Variants in DLGAP1 observed in about 807,000 individuals in gnomAD.
The protein encoded by DLGAP1 is disks large-associated protein 1.
In DLGAP1, 11 loss-of-function variants were observed where a neutral mutation model predicts 90.8. The ratio of observed to expected loss-of-function variants is 0.12; its 90% CI spans 0.08 to 0.20. DLGAP1 has a LOEUF of 0.20. Ranked by LOEUF, DLGAP1 falls within the 10% of genes least tolerant of loss-of-function variation. DLGAP1 has a pLI of 1.00. For missense variants in DLGAP1, 1,050 were observed against 1,333.8 expected (o/e 0.79, Z 3.31); for synonymous variants, 558 against 540.7 (o/e 1.03, Z -0.44).
At chr18:3,701,731 C>G (rs1029490679) in intron 7 of DLGAP1, among the ~76,000 whole-genome samples, 11 of 152,162 alleles carry the variant, frequency 7.2e-5, no homozygotes, top group African/African-American at 2.7e-4. Context: ...AAGATACCAT[C>G]TGAAGCTGGG....
intron 2 of DLGAP1, among the ~76,000 whole-genome samples, chr18:4,116,070 T>C (rs1045564044): frequency 1.3e-5 from 2 of 152,206 alleles, no homozygotes; most frequent in African/African-American, 4.8e-5. Context: ...GTATTTCTTG[T>C]AAGGGGGTTA....
intron 2 of DLGAP1, among the ~76,000 whole-genome samples, chr18:4,023,911 T>C (rs1261187030): frequency 6.6e-6 from 1 of 152,198 alleles, no homozygotes; most frequent in African/African-American, 2.4e-5. Flanking sequence ...AAAAGGTTTA[T>C]ATATGGATCA....
intron 5 of DLGAP1, among the ~76,000 whole-genome samples, chr18:3,750,253 C>T (rs1021846353): frequency 2.6e-5 from 4 of 152,174 alleles, no homozygotes; most frequent in African/African-American, 9.7e-5. Flanking sequence ...CGTTAATTTG[C>T]TTCAGATGAT....
At chr18:4,314,730 C>A (rs1042301105) in intron 1 of DLGAP1, among the ~76,000 whole-genome samples, 10 of 152,074 alleles carry the variant, frequency 6.6e-5, no homozygotes, top group Admixed American at 3.3e-4. Context: ...GAAAACAAGA[C>A]CTTCAGAGGG....
intron 3 of DLGAP1, among the ~76,000 whole-genome samples, chr18:3,993,759 A>C (rs1400349232): frequency 6.6e-6 from 1 of 152,072 alleles, no homozygotes; most frequent in Non-Finnish European, 1.5e-5. Context: ...TTCTCATGGG[A>C]TCACTGACCA....
chr18:3,620,863 T>A (rs2058071896), intron 7 of DLGAP1, among the ~76,000 whole-genome samples: 1 of 152,164 alleles, frequency 6.6e-6, no homozygotes, highest in African/African-American at 2.4e-5. Context: ...CGGCCTGGTA[T>A]CACATTTAAA....
Position 3,848,127 on chromosome 18 carries a change from C to CAAAAAAAAAA in DLGAP1, c.957+30975_957+30984dup, listed in dbSNP as rs3862177. On this transcript the variant is annotated intron_variant, in intron 4 of 12. Coordinates refer to ENST00000315677, the MANE Select transcript of DLGAP1 (RefSeq NM_004746.4). Reference sequence around the variant, plus strand: ...TGGATGATGGAGCAAGGCCCCGTCTCAAAAAAAAAAAAAAAAAAAAAAAAA... The same window carrying CAAAAAAAAAA: ...TGGATGATGGAGCAAGGCCCCGTCTCAAAAAAAAAAAAAAAAAAAAAAAAAAAAAAAAAAA... Among the ~76,000 whole-genome samples the CAAAAAAAAAA allele has an allele frequency of 2.3e-3, 75 of 32,076 alleles. 2 individuals carry two copies. Among genetic ancestry groups the CAAAAAAAAAA allele is most frequent in the East Asian group, 2.8e-3 (3 of 1,082 alleles). The allele number at this position is 32,076 out of a possible 152,430, so 21.0% of individuals were successfully genotyped here.
intron 3 of DLGAP1, among the ~76,000 whole-genome samples, chr18:3,944,575 C>T (rs945744939): frequency 1.3e-5 from 2 of 152,202 alleles, no homozygotes; most frequent in African/African-American, 4.8e-5. Context: ...TCAGCTGCCT[C>T]AGCCAACTTT....
intron 7 of DLGAP1, among the ~76,000 whole-genome samples, chr18:3,586,451 TG>T (rs761510330): frequency 9.2e-5 from 14 of 152,042 alleles, no homozygotes; most frequent in South Asian, 2.1e-4. Context: ...TGTCCAGTCA[TG>T]GGCTAGGAAG....
chr18:3,821,739 C>T (rs999489848), intron 4 of DLGAP1, among the ~76,000 whole-genome samples: 3 of 152,128 alleles, frequency 2.0e-5, no homozygotes, highest in Non-Finnish European at 4.4e-5. Flanking sequence ...TTAAGGGTGG[C>T]TTGGGAGCCT....
intron 1 of DLGAP1, among the ~76,000 whole-genome samples, chr18:4,191,734 A>G (rs950787973): frequency 6.6e-6 from 1 of 152,202 alleles, no homozygotes; most frequent in African/African-American, 2.4e-5. Context: ...TTAGGGAGGC[A>G]CATTCTAAGC....
At chr18:4,410,848 T>C (rs754223733) in intron 1 of DLGAP1, among the ~76,000 whole-genome samples, 1 of 152,192 alleles carries the variant, frequency 6.6e-6, no homozygotes, top group Non-Finnish European at 1.5e-5. Flanking sequence ...TGCTGTCCCA[T>C]GTGACATGGT....
At position 4,248,941 on chromosome 18, in the gene DLGAP1, C is replaced by T. The variant is rs531275070; in HGVS notation, c.-266-97654G>A. 4.6e-5 allele frequency among the ~76,000 whole-genome samples: 7 copies of T among 152,340 alleles called. No individual in the cohort carries two copies. The South Asian group carries it at 1.2e-3, about 27-fold the overall frequency. The stretch of plus-strand genomic sequence containing the variant: ...TGCCTTGAATTGGTCAGGCACCCTC[C>T]GGCCTCCCGCCCATGTATGTGCTGC... On this transcript the variant is annotated intron_variant, in intron 1 of 12. Transcript: ENST00000315677.
intron 1 of DLGAP1, among the ~76,000 whole-genome samples, chr18:4,373,675 T>G (rs2081961801): frequency 6.6e-6 from 1 of 152,242 alleles, no homozygotes; most frequent in Non-Finnish European, 1.5e-5. Flanking sequence ...ATACACACTC[T>G]GGAATTTTCA....
chr18:3,764,648 TG>T (rs2064133179), intron 5 of DLGAP1, among the ~76,000 whole-genome samples: 3 of 152,232 alleles, frequency 2.0e-5, no homozygotes, highest in Admixed American at 1.3e-4. Context: ...TTTAGAATTT[TG>T]CAAGACTCAT....
intron 5 of DLGAP1, among the ~76,000 whole-genome samples, chr18:3,781,258 A>G (rs551975728): frequency 2.6e-5 from 4 of 151,864 alleles, no homozygotes; most frequent in Admixed American, 2.0e-4. Flanking sequence ...GGCCCTCATT[A>G]TTTTTAGCAG....
At chr18:4,408,930 T>C (rs1362621428) in intron 1 of DLGAP1, among the ~76,000 whole-genome samples, 3 of 151,612 alleles carry the variant, frequency 2.0e-5, no homozygotes, top group Admixed American at 2.0e-4. Context: ...CCTTCTAGAA[T>C]TTAAGCTCAA....
At chr18:3,630,978 T>A (rs550112052) in intron 7 of DLGAP1, among the ~76,000 whole-genome samples, 1 of 152,158 alleles carries the variant, frequency 6.6e-6, no homozygotes, top group South Asian at 2.1e-4. Flanking sequence ...TTTATTTATT[T>A]TTTATTTTTA....
intron 2 of DLGAP1, among the ~76,000 whole-genome samples, chr18:4,124,510 G>C (rs542742460): frequency 7.0e-4 from 107 of 152,198 alleles, no homozygotes; most frequent in Non-Finnish European, 1.4e-3. Context: ...TGGCTCGTAA[G>C]ATACGGAACA....
Sources: gnomAD v4.1 joint callset for allele counts (sites outside exome capture counted in the v4.1 genomes callset) on GRCh38, gnomAD v4.1.1 for gene constraint, MANE v1.5 for transcripts, NCBI Gene and HGNC (gene_info 2026-07-23, HGNC 2026-07-21) for gene names.